Variants in ERICH1 observed in about 807,000 individuals in gnomAD.
ERICH1 encodes glutamate rich 1.
A neutral mutation model predicts 39.6 loss-of-function variants in ERICH1; 56 were observed. That is an observed-to-expected ratio of 1.41 (90% CI 1.14 to 1.77). ERICH1 has a LOEUF of 1.77. Ranked by LOEUF, ERICH1 falls within the 40% of genes most tolerant of loss-of-function variation. The probability of loss-of-function intolerance (pLI) is 0.00; values close to 1 mark genes in which losing one functional copy is unlikely to be tolerated. For synonymous variants in ERICH1, 313 were observed against 223.6 expected, an observed-to-expected ratio of 1.40 and a Z score of -3.57; for missense variants, 826 against 575.4, an observed-to-expected ratio of 1.44 and a Z score of -4.45.
intron 3 of ERICH1, among the ~76,000 whole-genome samples, chr8:621,926 TC>T (rs1797307856): frequency 6.6e-6 from 1 of 152,174 alleles, no homozygotes; most frequent in African/African-American, 2.4e-5. Flanking sequence ...TGTTAAAACT[TC>T]CTTGTGGCTG....
intron 3 of ERICH1, among the ~76,000 whole-genome samples, chr8:683,507 G>A (rs180974205): frequency 8.5e-5 from 13 of 152,076 alleles, no homozygotes; most frequent in Non-Finnish European, 1.6e-4. Flanking sequence ...ATGGATTCTC[G>A]CTCTCTCTCT....
intron 3 of ERICH1, among the ~76,000 whole-genome samples, chr8:683,643 T>G (rs887807948): frequency 6.6e-6 from 1 of 152,174 alleles, no homozygotes. Flanking sequence ...AGCTTTTGAT[T>G]CCAAATGGTA....
intron 3 of ERICH1, among the ~76,000 whole-genome samples, chr8:633,938 C>T (rs1026254284): frequency 6.6e-6 from 1 of 152,172 alleles, no homozygotes; most frequent in Non-Finnish European, 1.5e-5. Context: ...TAAGGAAACA[C>T]AGGGAAAACT....
At chr8:697,725 C>T (rs1451542850) in intron 2 of ERICH1, among the ~76,000 whole-genome samples, 8 of 152,030 alleles carry the variant, frequency 5.3e-5, no homozygotes, top group Admixed American at 5.2e-4. Context: ...ACACAGGCGC[C>T]CCTCTCAAGA....
At chr8:629,353 C>A (rs1384994699) in intron 3 of ERICH1, among the ~76,000 whole-genome samples, 3 of 150,816 alleles carry the variant, frequency 2.0e-5, no homozygotes, top group Non-Finnish European at 4.4e-5. Flanking sequence ...CCTGTGACCA[C>A]CCACACACAC....
chr8:624,391 G>A (rs146034041), intron 3 of ERICH1, among the ~76,000 whole-genome samples: 3 of 152,306 alleles, frequency 2.0e-5, no homozygotes, highest in East Asian at 3.9e-4. Flanking sequence ...GTCACCACAC[G>A]AACCTGCAGT....
At chr8:716,565 G>A (rs1478590688) in intron 1 of ERICH1, among the ~76,000 whole-genome samples, 2 of 152,268 alleles carry the variant, frequency 1.3e-5, no homozygotes, top group African/African-American at 4.8e-5. Context: ...TGCATCTGAC[G>A]TGGTTTAACG....
rs957279271 is a variant in ERICH1, at chr8:668,754, C to G, written c.1102G>C (p.Ala368Pro). 2 of 1,612,696 alleles carry G rather than the reference C, an allele frequency of 1.2e-6. No individual in the cohort carries two copies. Among genetic ancestry groups the G allele is most frequent in the African/African-American group, 2.7e-5 (2 of 75,050 alleles). The change falls in exon 5 of 6, where the codon GCC becomes CCC. Residue 368 changes from alanine (A) to proline (P), a missense_variant. By Grantham distance (27) the Ala-to-Pro change is conservative. Coordinates refer to ENST00000262109, the MANE Select transcript of ERICH1 (RefSeq NM_207332.3). ...RDAASAALADAAEELLDRLAS... is the reference protein window; with the variant it reads ...RDAASAALADPAEELLDRLAS... Reference sequence around the variant, plus strand: ...AGGCGGTCCAGCAGCTCCTCAGCGGCATCTGCGAGGGCAGCTGAAGCTGCA... The same window carrying G: ...AGGCGGTCCAGCAGCTCCTCAGCGGGATCTGCGAGGGCAGCTGAAGCTGCA...
At chr8:628,870 T>C (rs1797748469) in intron 3 of ERICH1, among the ~76,000 whole-genome samples, 2 of 152,134 alleles carry the variant, frequency 1.3e-5, no homozygotes, top group Non-Finnish European at 2.9e-5. Flanking sequence ...TCCCCTGCTG[T>C]GTGCCCTCCT....
chr8:643,393 G>A (rs949021989), intron 3 of ERICH1, among the ~76,000 whole-genome samples: 2 of 152,178 alleles, frequency 1.3e-5, no homozygotes, highest in Non-Finnish European at 2.9e-5. Flanking sequence ...TCAGAGTCTG[G>A]CACATTCCAG....
chr8:633,884 T>C (rs1584972489), intron 3 of ERICH1, among the ~76,000 whole-genome samples: 1 of 152,088 alleles, frequency 6.6e-6, no homozygotes, highest in Non-Finnish European at 1.5e-5. Flanking sequence ...CAAAAATCAG[T>C]GCAAAGTACA....
intron 1 of ERICH1, among the ~76,000 whole-genome samples, chr8:729,041 G>C (rs1819425022): frequency 6.6e-6 from 1 of 152,116 alleles, no homozygotes; most frequent in Non-Finnish European, 1.5e-5. Context: ...TGTGTCCTCT[G>C]TCAGCAAGCA....
At chr8:685,867 G>A (rs1373016054) in intron 3 of ERICH1, among the ~76,000 whole-genome samples, 1 of 151,938 alleles carries the variant, frequency 6.6e-6, no homozygotes, top group Non-Finnish European at 1.5e-5. Context: ...ATAACTGACT[G>A]GGCACAGTGG....
At chr8:679,500 C>T (rs1358422925) in intron 3 of ERICH1, among the ~76,000 whole-genome samples, 1 of 151,502 alleles carries the variant, frequency 6.6e-6, no homozygotes, top group Non-Finnish European at 1.5e-5. Flanking sequence ...AGCGTCTCCA[C>T]TCCCCTGACA....
rs546842738 is a variant in ERICH1 at position 622,715 on chromosome 8, G to C, written c.977-7431C>G. On this transcript the variant is annotated intron_variant, in intron 3 of 3. Transcript: ENST00000522706. ...CACCTGTAATCCCAGAACTTTGGGA[G>C]GCTGAGGTGGGAGGATCACTTGAGC... Among the ~76,000 whole-genome samples the C allele has an allele frequency of 6.4e-4, 98 of 152,316 alleles. 2 individuals carry two copies. In the South Asian group the frequency reaches 0.018, roughly 27 times the overall value.
At position 668,781 on chromosome 8, in the gene ERICH1, C is replaced by T. The variant is rs765991975; in HGVS notation, c.1075G>A (p.Asp359Asn). Residue 359 changes from aspartate to asparagine, a missense_variant, in exon 5 of 6, where the codon GAT (aspartate) becomes AAT (asparagine). Transcript: ENST00000262109. ...TCTGCGAGGGCAGCTGAAGCTGCAT[C>T]TCTGGAGACACCTACATAAAGTCAG... ...EMYFYDGVSR[D>N]AASAALADAA... The T allele has an allele frequency of 1.9e-6, 3 of 1,605,760 alleles. No homozygotes were observed. The highest frequency in any genetic ancestry group is 4.5e-5 in the East Asian group (2 of 44,770).
chr8:682,335 C>T (rs937362379), intron 3 of ERICH1, among the ~76,000 whole-genome samples: 3 of 152,222 alleles, frequency 2.0e-5, no homozygotes, highest in African/African-American at 7.2e-5. Flanking sequence ...GTTGGCTCAG[C>T]AGGTCAAGGG....
intron 3 of ERICH1, among the ~76,000 whole-genome samples, chr8:691,417 A>G (rs1808883029): frequency 6.6e-6 from 1 of 152,262 alleles, no homozygotes; most frequent in Admixed American, 6.5e-5. Context: ...GGTCCAGCAC[A>G]GGCCTGTCCT....
intron 2 of ERICH1, among the ~76,000 whole-genome samples, chr8:700,540 A>C (rs1811855572): frequency 4.2e-5 from 6 of 144,532 alleles, no homozygotes; most frequent in African/African-American, 1.5e-4. Context: ...ACAGGCGCAC[A>C]GGCCCGCACA....
Sources: gnomAD v4.1 joint callset for allele counts (sites outside exome capture counted in the v4.1 genomes callset) on GRCh38, gnomAD v4.1.1 for gene constraint, MANE v1.5 for transcripts, NCBI Gene and HGNC (gene_info 2026-07-23, HGNC 2026-07-21) for gene names.